INSL6: variants seen among roughly 807,000 people sequenced by gnomAD.
INSL6 encodes the protein insulin like 6.
INSL6 carries 16 observed loss-of-function variants against 9.4 expected under a neutral mutation model. The ratio of observed to expected loss-of-function variants is 1.70; its 90% confidence interval spans 1.15 to 2.59. INSL6 has a LOEUF of 2.59. Among genes scored for constraint, INSL6 ranks in the 30% most tolerant of loss-of-function variants. The probability of loss-of-function intolerance (pLI) is 0.00; values close to 1 mark genes in which losing one functional copy is unlikely to be tolerated. For synonymous variants in INSL6, 154 were observed against 96.9 expected, an observed-to-expected ratio of 1.59 and a Z score of -3.46; for missense variants, 391 against 257.3, an observed-to-expected ratio of 1.52 and a Z score of -3.56.
the INSL6 span, among the ~76,000 whole-genome samples, chr9:5,033,345 A>C: frequency 6.6e-6 from 1 of 152,214 alleles, no homozygotes; most frequent in African/African-American, 2.4e-5. Context: ...AACTTCCCTA[A>C]TCTAGCGAGG....
At chr9:5,058,700 C>T in the INSL6 span, among the ~76,000 whole-genome samples, 3 of 152,136 alleles carry the variant, frequency 2.0e-5, no homozygotes, top group Admixed American at 6.5e-5. Flanking sequence ...CTCATCAAAA[C>T]TTGTTATTTT....
At chr9:5,080,668 A>C in the INSL6 span, 1 of 1,586,090 alleles carries the variant, frequency 6.3e-7, no homozygotes, top group African/African-American at 1.4e-5. Flanking sequence ...AGATCTTAAC[A>C]GTTTGTTTAC....
At chr9:5,081,142 G>A in the INSL6 span, among the ~76,000 whole-genome samples, 4 of 151,882 alleles carry the variant, frequency 2.6e-5, no homozygotes, top group Admixed American at 1.3e-4. Flanking sequence ...TGATCCGCCC[G>A]CCTCGGCCTC....
chr9:5,059,531 C>CA, the INSL6 span, among the ~76,000 whole-genome samples: 1 of 152,080 alleles, frequency 6.6e-6, no homozygotes, highest in Non-Finnish European at 1.5e-5. Context: ...CATTCTTATA[C>CA]ATATTTTTTG....
chr9:5,136,335 C>T (rs769993235), intron 2 of INSL6, among the ~76,000 whole-genome samples: 4 of 152,112 alleles, frequency 2.6e-5, no homozygotes, highest in Non-Finnish European at 4.4e-5. Flanking sequence ...AATTTTAGGC[C>T]GATATCCCTG....
downstream of INSL6, among the ~76,000 whole-genome samples, chr9:5,161,032 C>T (rs1010656272): frequency 1.1e-4 from 16 of 152,144 alleles, no homozygotes; most frequent in African/African-American, 3.9e-4. Flanking sequence ...ACCAACTCTA[C>T]TCAAACTAAT....
the INSL6 span, chr9:5,055,640 T>C: frequency 6.6e-7 from 1 of 1,504,254 alleles, no homozygotes; most frequent in African/African-American, 1.4e-5. Context: ...ATTCTACCCG[T>C]TTTTAATTTT....
chr9:5,055,042 T>G, the INSL6 span, among the ~76,000 whole-genome samples: 1 of 152,144 alleles, frequency 6.6e-6, no homozygotes, highest in African/African-American at 2.4e-5. Context: ...CATATAATTC[T>G]TTGCCTACTA....
the INSL6 span, chr9:5,041,921 C>T: frequency 1.8e-5 from 7 of 392,816 alleles, no homozygotes; most frequent in African/African-American, 8.5e-5. Flanking sequence ...GGCGATGAAA[C>T]GAAATGCTGC....
the INSL6 span, among the ~76,000 whole-genome samples, chr9:5,062,908 T>A: frequency 6.6e-6 from 1 of 152,176 alleles, no homozygotes; most frequent in African/African-American, 2.4e-5. Context: ...CTAGTTTTCT[T>A]TTTTTATTTT....
intron 1 of INSL6, among the ~76,000 whole-genome samples, chr9:5,174,097 T>G (rs1418455901): frequency 6.6e-6 from 1 of 152,218 alleles, no homozygotes; most frequent in Non-Finnish European, 1.5e-5. Flanking sequence ...CCTAGGACAC[T>G]ACTCCAGCAA....
intron 1 of INSL6, among the ~76,000 whole-genome samples, chr9:5,181,993 T>C (rs1033662965): frequency 7.9e-5 from 12 of 152,216 alleles, no homozygotes; most frequent in African/African-American, 2.9e-4. Flanking sequence ...GTAGTCACTC[T>C]GAAGAGCAAT....
the INSL6 span, chr9:5,114,212 C>T: frequency 1.4e-5 from 7 of 501,152 alleles, no homozygotes; most frequent in African/African-American, 5.8e-5. Context: ...GCCGGTCCAG[C>T]CCCTTCTACC....
the INSL6 span, chr9:5,090,784 G>A: frequency 6.2e-7 from 1 of 1,613,166 alleles, no homozygotes; most frequent in South Asian, 1.1e-5. Context: ...CAGGGATCTG[G>A]CAACGAGAAA....
the INSL6 span, chr9:5,111,223 C>T: frequency 1.2e-5 from 7 of 579,266 alleles, no homozygotes; most frequent in African/African-American, 4.2e-5. Context: ...GAGCAGCTAG[C>T]GCGGGCCTAT....
chr9:5,150,846 GACACAC>G (rs59479266), intron 2 of INSL6, among the ~76,000 whole-genome samples: 7,108 of 146,350 alleles, frequency 0.049, 238 homozygotes, highest in Admixed American at 0.076. Flanking sequence ...GGATAAAGGA[GACACAC>G]ACACACACAC....
chr9:5,182,062 T>G (rs941212384), intron 1 of INSL6, among the ~76,000 whole-genome samples: 1 of 152,180 alleles, frequency 6.6e-6, no homozygotes, highest in South Asian at 2.1e-4. Context: ...AATTCCACTC[T>G]AGATGTGTAT....
chr9:5,054,669 A>G, the INSL6 span: 1 of 1,613,384 alleles, frequency 6.2e-7, no homozygotes, highest in Non-Finnish European at 8.5e-7. The surrounding 1 kb of genome is among the most constrained non-coding windows in gnomAD (Gnocchi z 4.9). Flanking sequence ...TCAGCAATTC[A>G]GCCAATGCAA....
downstream of INSL6, among the ~76,000 whole-genome samples, chr9:5,159,242 C>G (rs1350068573): frequency 2.6e-5 from 4 of 151,900 alleles, no homozygotes; most frequent in South Asian, 2.1e-4. Context: ...GAGAAGATCA[C>G]AAAATAACCA....
Sources: allele counts gnomAD v4.1 joint callset (sites outside exome capture counted in the v4.1 genomes callset), GRCh38; gene constraint gnomAD v4.1.1; non-coding constraint Gnocchi (gnomAD v3.1); transcripts MANE v1.5; gene names NCBI Gene and HGNC (gene_info 2026-07-23, HGNC 2026-07-21).